Variants in SGCZ observed in about 807,000 individuals in gnomAD.
SGCZ encodes the protein sarcoglycan zeta.
In SGCZ, 40 loss-of-function variants were observed where a neutral mutation model predicts 41.3. That is an observed-to-expected ratio of 0.97 (90% CI 0.75 to 1.26). SGCZ has a LOEUF of 1.26. Ranked by LOEUF, SGCZ falls within the 50% of genes most tolerant of loss-of-function variation. The probability of loss-of-function intolerance (pLI) is 0.00; values close to 1 mark genes in which losing one functional copy is unlikely to be tolerated. For missense variants in SGCZ, 552 were observed against 369.8 expected, an observed-to-expected ratio of 1.49 and a Z score of -4.04; for synonymous variants, 206 against 137.5, an observed-to-expected ratio of 1.50 and a Z score of -3.49.
intron 2 of SGCZ, among the ~76,000 whole-genome samples, chr8:14,361,649 T>C (rs1022316870): frequency 6.6e-6 from 1 of 152,188 alleles, no homozygotes; most frequent in African/African-American, 2.4e-5. Context: ...CAGAGAAGTT[T>C]GTTATTACCG....
chr8:14,612,546 C>A (rs994404316), intron 1 of SGCZ, among the ~76,000 whole-genome samples: 3 of 152,070 alleles, frequency 2.0e-5, no homozygotes, highest in Non-Finnish European at 2.9e-5. Flanking sequence ...ATTATAGCCA[C>A]AAAGCTTGGA....
At chr8:15,154,883 G>T (rs1415212405) in intron 1 of SGCZ, among the ~76,000 whole-genome samples, 1 of 152,166 alleles carries the variant, frequency 6.6e-6, no homozygotes, top group Non-Finnish European at 1.5e-5. Context: ...CAGCTAGATA[G>T]GAGGAATAAG....
chr8:14,332,263 G>A (rs1440679967), intron 2 of SGCZ, among the ~76,000 whole-genome samples: 5 of 151,798 alleles, frequency 3.3e-5, no homozygotes, highest in Non-Finnish European at 7.4e-5. Flanking sequence ...GTGAAACCCC[G>A]TCTCTACTAA....
intron 2 of SGCZ, among the ~76,000 whole-genome samples, chr8:14,356,353 A>G (rs1191751412): frequency 6.6e-6 from 1 of 152,204 alleles, no homozygotes; most frequent in Non-Finnish European, 1.5e-5. Context: ...GTGTTTATCA[A>G]TGGAGTGAGC....
At chr8:14,343,609 C>G (rs1026654053) in intron 2 of SGCZ, among the ~76,000 whole-genome samples, 5 of 152,024 alleles carry the variant, frequency 3.3e-5, no homozygotes, top group Admixed American at 2.6e-4. Flanking sequence ...AATACTAGTG[C>G]TCAGTCAGGG....
At chr8:14,179,465 C>T (rs1196814132) in intron 4 of SGCZ, among the ~76,000 whole-genome samples, 1 of 152,148 alleles carries the variant, frequency 6.6e-6, no homozygotes, top group Admixed American at 6.5e-5. Flanking sequence ...ACAAGGGTTC[C>T]TGCACATCCC....
chr8:14,632,507 T>C (rs1485826668), intron 1 of SGCZ, among the ~76,000 whole-genome samples: 1 of 152,108 alleles, frequency 6.6e-6, no homozygotes, highest in African/African-American at 2.4e-5. Context: ...CAAAATACAC[T>C]ATTTTGAAGA....
At chr8:14,956,178 T>G (rs573149127) in intron 1 of SGCZ, among the ~76,000 whole-genome samples, 1 of 151,834 alleles carries the variant, frequency 6.6e-6, no homozygotes, top group East Asian at 1.9e-4. Context: ...TATCTGGGAC[T>G]ACAGGCATGC....
chr8:14,414,204 A>T (rs1254255754), intron 2 of SGCZ, among the ~76,000 whole-genome samples: 1 of 152,088 alleles, frequency 6.6e-6, no homozygotes. Context: ...ACACACACAC[A>T]CATACAGACA....
At chr8:14,571,150 T>G (rs1804540052) in intron 1 of SGCZ, among the ~76,000 whole-genome samples, 1 of 152,078 alleles carries the variant, frequency 6.6e-6, no homozygotes, top group Non-Finnish European at 1.5e-5. Flanking sequence ...GAGAAGCAAG[T>G]ACCTTGTCTG....
rs946937050 is a variant in SGCZ at position 14,945,050 on chromosome 8, T to C, written c.39+292535A>G. On this transcript the variant is annotated intron_variant, in intron 1 of 7. Coordinates refer to ENST00000382080, the MANE Select transcript of SGCZ (RefSeq NM_139167.4). ...CACTTCCACTTCCATCCTGTGAAAG[T>C]TTGTGCTACAGAGAAGCACCTTATT... Among the ~76,000 whole-genome samples, 13 of 151,498 alleles carry C rather than the reference T, an allele frequency of 8.6e-5. No individual in the cohort carries two copies. In the East Asian group the frequency reaches 2.0e-3, roughly 23 times the overall value.
At chr8:14,403,779 C>T (rs1799140217) in intron 2 of SGCZ, among the ~76,000 whole-genome samples, 1 of 152,070 alleles carries the variant, frequency 6.6e-6, no homozygotes, top group Non-Finnish European at 1.5e-5. Context: ...AAAAAATATA[C>T]ATGCAATATT....
At chr8:15,189,571 T>TA (rs1195833827) in intron 1 of SGCZ, among the ~76,000 whole-genome samples, 1 of 151,876 alleles carries the variant, frequency 6.6e-6, no homozygotes, top group Non-Finnish European at 1.5e-5. Context: ...TGAAGCATTT[T>TA]TTTTTTTGAG....
chr8:14,950,431 C>A (rs973717667), intron 1 of SGCZ, among the ~76,000 whole-genome samples: 1 of 151,882 alleles, frequency 6.6e-6, no homozygotes, highest in East Asian at 1.9e-4. Flanking sequence ...TTTCTCCCTT[C>A]CCTTCTCTTC....
intron 1 of SGCZ, among the ~76,000 whole-genome samples, chr8:14,840,520 A>G (rs1717790471): frequency 6.6e-6 from 1 of 152,118 alleles, no homozygotes; most frequent in South Asian, 2.1e-4. Flanking sequence ...TATCATTTCT[A>G]GTGTTGCCAA....
At chr8:14,585,304 T>C (rs189058836) in intron 1 of SGCZ, among the ~76,000 whole-genome samples, 9 of 152,310 alleles carry the variant, frequency 5.9e-5, no homozygotes, top group Admixed American at 6.5e-5. Flanking sequence ...TCATCTTGAA[T>C]CATCAGCTGT....
chr8:14,368,219 G>A lies in SGCZ; in HGVS notation c.235-44015C>T, dbSNP rs192116889. Among the ~76,000 whole-genome samples, 466 of 152,002 alleles carry A rather than the reference G, an allele frequency of 3.1e-3. 3 individuals are homozygous for A. Among genetic ancestry groups the A allele is most frequent in the African/African-American group, 0.01 (432 of 41,454 alleles). On this transcript the variant is annotated intron_variant, in intron 2 of 7. Coordinates refer to ENST00000382080, the MANE Select transcript of SGCZ (RefSeq NM_139167.4). ...ATTGTCTTCAAGAATATATGTGAGT[G>A]TATTTCAATAAAATGGCTTTTAATT...
chr8:14,438,424 A>G (rs889652772), intron 2 of SGCZ, among the ~76,000 whole-genome samples: 2 of 151,974 alleles, frequency 1.3e-5, no homozygotes, highest in Non-Finnish European at 2.9e-5. Flanking sequence ...TATGATACTT[A>G]TTATTAATTT....
At chr8:14,166,647 T>A (rs796419431) in intron 4 of SGCZ, among the ~76,000 whole-genome samples, 26 of 152,262 alleles carry the variant, frequency 1.7e-4, no homozygotes, top group African/African-American at 6.0e-4. Context: ...ATGGCATAGA[T>A]GTACATTAGA....
Sources: allele counts gnomAD v4.1 joint callset (sites outside exome capture counted in the v4.1 genomes callset), GRCh38; gene constraint gnomAD v4.1.1; transcripts MANE v1.5; gene names NCBI Gene and HGNC (gene_info 2026-07-23, HGNC 2026-07-21).